PGGT1B: variants seen among roughly 807,000 people sequenced by gnomAD.
PGGT1B encodes geranylgeranyl transferase type-1 subunit beta.
In PGGT1B, 30 loss-of-function variants were observed where a neutral mutation model predicts 46.1. That is an observed-to-expected ratio of 0.65 (90% confidence interval 0.49 to 0.88). The LOEUF is 0.88. Among genes scored for constraint, PGGT1B ranks in the 40% least tolerant of loss-of-function variants. PGGT1B has a pLI of 0.00. For missense variants in PGGT1B, 376 were observed against 455.9 expected, an observed-to-expected ratio of 0.82 and a Z score of 1.60; for synonymous variants, 170 against 160.0, an observed-to-expected ratio of 1.06 and a Z score of -0.47.
At chr5:115,241,761 T>C (rs1353840403) in intron 2 of PGGT1B, among the ~76,000 whole-genome samples, 155 bp from the exon 3 acceptor site, 2 of 152,238 alleles carry the variant, frequency 1.3e-5, no homozygotes, top group Non-Finnish European at 2.9e-5. Flanking sequence ...AGGTCCATTC[T>C]AGGTGCTTAT....
chr5:115,221,317 A>G (rs1756579820), intron 7 of PGGT1B, among the ~76,000 whole-genome samples: 2 of 152,008 alleles, frequency 1.3e-5, no homozygotes, highest in Admixed American at 6.6e-5. Context: ...ATTAAAAGGT[A>G]GTAGAGATGG....
chr5:115,219,471 T>C (rs997793555), intron 7 of PGGT1B, among the ~76,000 whole-genome samples: 1 of 151,854 alleles, frequency 6.6e-6, no homozygotes, highest in African/African-American at 2.4e-5. Flanking sequence ...AGGCCCAACA[T>C]TAAGGCCTGA....
At chr5:115,261,244 A>G (rs893163425) in intron 1 of PGGT1B, among the ~76,000 whole-genome samples, 2 of 152,226 alleles carry the variant, frequency 1.3e-5, no homozygotes, top group African/African-American at 2.4e-5. Context: ...CAGTGAAGGT[A>G]TAGGCTCTGC....
intron 6 of PGGT1B, among the ~76,000 whole-genome samples, chr5:115,225,910 A>T (rs1037613736): frequency 1.3e-5 from 2 of 152,016 alleles, no homozygotes; most frequent in Non-Finnish European, 2.9e-5. Context: ...CGGCCTCCCA[A>T]AGTGCTGGGA....
intron 1 of PGGT1B, among the ~76,000 whole-genome samples, chr5:115,254,154 A>C (rs577701568): frequency 4.3e-4 from 66 of 152,164 alleles, no homozygotes; most frequent in Middle Eastern, 3.4e-3. Flanking sequence ...GTTAAGCCTT[A>C]ATGTCCTGAG....
intron 7 of PGGT1B, among the ~76,000 whole-genome samples, chr5:115,220,606 A>G (rs1756558828): frequency 6.6e-6 from 1 of 151,924 alleles, no homozygotes; most frequent in South Asian, 2.1e-4. Context: ...ATAATGTGCT[A>G]TGTATATTTT....
chr5:115,215,204 A>C (rs1371826665), intron 8 of PGGT1B, among the ~76,000 whole-genome samples: 5 of 151,952 alleles, frequency 3.3e-5, no homozygotes, highest in Non-Finnish European at 5.9e-5. Context: ...CGCCATATTG[A>C]CCAGGCTGGT....
At chr5:115,257,636 A>G (rs1045207418) in intron 1 of PGGT1B, among the ~76,000 whole-genome samples, 2 of 151,974 alleles carry the variant, frequency 1.3e-5, no homozygotes, top group African/African-American at 4.8e-5. Context: ...ACACTAATTT[A>G]TGAGAGTTGA....
At chr5:115,244,988 CT>C (rs918976985) in intron 2 of PGGT1B, among the ~76,000 whole-genome samples, 3 of 151,528 alleles carry the variant, frequency 2.0e-5, no homozygotes, top group Non-Finnish European at 4.4e-5. Context: ...ATTTTTAAAT[CT>C]TTTTTTTTCT....
chr5:115,257,444 G>A (rs1748368190), intron 1 of PGGT1B, among the ~76,000 whole-genome samples: 1 of 150,504 alleles, frequency 6.6e-6, no homozygotes, highest in African/African-American at 2.5e-5. Flanking sequence ...AACCCAGTAG[G>A]TGGAGGTTAC....
intron 6 of PGGT1B, among the ~76,000 whole-genome samples, chr5:115,227,189 A>T (rs376553767): frequency 3.9e-5 from 6 of 152,308 alleles, no homozygotes; most frequent in Admixed American, 2.0e-4. Flanking sequence ...AAAGTGGGTT[A>T]TGACACTTAA....
intron 1 of PGGT1B, among the ~76,000 whole-genome samples, chr5:115,260,387 G>C (rs898445357): frequency 6.6e-6 from 1 of 152,088 alleles, no homozygotes; most frequent in Non-Finnish European, 1.5e-5. Flanking sequence ...ACATGGGGAG[G>C]CACTCTATGA....
At chr5:115,262,130 G>T (rs1748583580) in intron 1 of PGGT1B, among the ~76,000 whole-genome samples, 1 of 152,198 alleles carries the variant, frequency 6.6e-6, no homozygotes, top group Admixed American at 6.5e-5. Context: ...AGCTTTTACT[G>T]TAAATGAAGT....
At chr5:115,234,215 C>CAA (rs34000456) in intron 5 of PGGT1B, among the ~76,000 whole-genome samples, 3 of 140,070 alleles carry the variant, frequency 2.1e-5, no homozygotes, top group Non-Finnish European at 4.7e-5. Flanking sequence ...AAGCAAACAG[C>CAA]AAAAAAAAAA....
At chr5:115,256,717 A>T (rs1171124438) in intron 1 of PGGT1B, among the ~76,000 whole-genome samples, 1 of 152,210 alleles carries the variant, frequency 6.6e-6, no homozygotes, top group Non-Finnish European at 1.5e-5. Flanking sequence ...AGAGAGAATT[A>T]AAACAAGCCA....
chr5:115,241,682 A>G (rs1252085663), intron 2 of PGGT1B, 76 bp from the exon 3 acceptor site: 23 of 1,062,572 alleles, frequency 2.2e-5, no homozygotes, highest in African/African-American at 6.5e-5. Flanking sequence ...TAATTACACA[A>G]TCTTTCAGAA....
At chr5:115,258,307 T>C (rs1280235620) in intron 1 of PGGT1B, among the ~76,000 whole-genome samples, 1 of 152,232 alleles carries the variant, frequency 6.6e-6, no homozygotes, top group Non-Finnish European at 1.5e-5. Context: ...TTCTTTTTCT[T>C]CATCCCCTCT....
At chr5:115,237,793 A>G in intron 4 of PGGT1B, 65 bp downstream of exon 4, 1 of 1,355,864 alleles carries the variant, frequency 7.4e-7, no homozygotes, top group Non-Finnish European at 1.0e-6. Context: ...ATAGTACTGT[A>G]TCCATTTTTT....
chr5:115,234,805 T>C (rs1757121747), intron 5 of PGGT1B, among the ~76,000 whole-genome samples: 2 of 151,954 alleles, frequency 1.3e-5, no homozygotes, highest in South Asian at 2.1e-4. Flanking sequence ...AGACTGAAAT[T>C]TGAGGCATCA....
Sources: gnomAD v4.1 joint callset for allele counts (sites outside exome capture counted in the v4.1 genomes callset) on GRCh38, gnomAD v4.1.1 for gene constraint, MANE v1.5 for transcripts, NCBI Gene and HGNC (gene_info 2026-07-23, HGNC 2026-07-21) for gene names.